The following THADA variants were observed in gnomAD, a reference collection of about 807,000 sequenced individuals.
THADA encodes the protein tRNA (32-2'-O)-methyltransferase regulator THADA.
THADA carries 213 observed loss-of-function variants against 219.8 expected under a neutral mutation model. That is an observed-to-expected ratio of 0.97 (90% CI 0.87 to 1.09). THADA has a LOEUF of 1.09. Among genes scored for constraint, THADA ranks in the 50% least tolerant of loss-of-function variants. THADA has a pLI of 0.00. For missense variants in THADA, 2,956 were observed against 2,311.3 expected (o/e 1.28, Z -5.72); for synonymous variants, 1,018 against 828.9 (o/e 1.23, Z -3.92).
chr2:43,517,848 G>A (rs910651881), intron 22 of THADA, among the ~76,000 whole-genome samples: 1 of 152,008 alleles, frequency 6.6e-6, no homozygotes, highest in Non-Finnish European at 1.5e-5. Context: ...ACTCATCCTG[G>A]CTCACAAAGC....
At chr2:43,555,004 G>A (rs971919241) in intron 17 of THADA, among the ~76,000 whole-genome samples, 5 of 151,994 alleles carry the variant, frequency 3.3e-5, no homozygotes, top group African/African-American at 1.2e-4. Context: ...AAAAAGCTTT[G>A]GATTTTGGAC....
chr2:43,271,239 G>T (rs1271486998), intron 36 of THADA, among the ~76,000 whole-genome samples: 1 of 152,170 alleles, frequency 6.6e-6, no homozygotes, highest in African/African-American at 2.4e-5. Flanking sequence ...GAGTGACAAG[G>T]GAGACACAGA....
intron 22 of THADA, among the ~76,000 whole-genome samples, chr2:43,521,265 G>A (rs1250089926): frequency 2.0e-5 from 3 of 151,964 alleles, no homozygotes; most frequent in African/African-American, 7.2e-5. Flanking sequence ...CACAAAAAGA[G>A]GTAGGGAGGG....
chr2:43,297,042 C>T, intron 31 of THADA, among the ~76,000 whole-genome samples: 1 of 110,118 alleles, frequency 9.1e-6, no homozygotes, highest in Non-Finnish European at 1.8e-5. Flanking sequence ...GCTGCCCAGT[C>T]TGGAAAGTGA....
chr2:43,572,749 A>G (rs1699433634), intron 12 of THADA, 65 bp downstream of exon 12: 5 of 1,465,808 alleles, frequency 3.4e-6, no homozygotes, highest in African/African-American at 1.4e-5. Flanking sequence ...AGGGGCCTCT[A>G]TATTGAACTG....
intron 29 of THADA, among the ~76,000 whole-genome samples, chr2:43,347,195 C>T (rs544987041): frequency 2.5e-4 from 38 of 152,160 alleles, no homozygotes; most frequent in African/African-American, 4.1e-4. Context: ...ATCAGTTTTG[C>T]GGCTTTGGGC....
At chr2:43,535,576 G>C (rs566485460) in intron 21 of THADA, among the ~76,000 whole-genome samples, 1 of 148,494 alleles carries the variant, frequency 6.7e-6, no homozygotes, top group Admixed American at 6.7e-5. Flanking sequence ...AGCTACTTGG[G>C]AGGCTGAGGC....
intron 31 of THADA, among the ~76,000 whole-genome samples, chr2:43,301,863 T>C (rs1054331528): frequency 6.6e-6 from 1 of 152,170 alleles, no homozygotes; most frequent in African/African-American, 2.4e-5. Context: ...ATCGGGATTT[T>C]TCCCTGGTGC....
chr2:43,502,482 G>A (rs1689117857), intron 24 of THADA, among the ~76,000 whole-genome samples: 1 of 151,704 alleles, frequency 6.6e-6, no homozygotes, highest in African/African-American at 2.4e-5. Context: ...TTACTCAGGA[G>A]GCTGAGGCAG....
chr2:43,426,558 C>T (rs1678453656), intron 28 of THADA, among the ~76,000 whole-genome samples: 1 of 152,170 alleles, frequency 6.6e-6, no homozygotes, highest in Non-Finnish European at 1.5e-5. Context: ...ATGAAGGAGA[C>T]TGGTAACTTT....
chr2:43,576,234 A>T (rs1332541335), intron 10 of THADA, among the ~76,000 whole-genome samples: 2 of 152,242 alleles, frequency 1.3e-5, no homozygotes, highest in Admixed American at 6.5e-5. Context: ...TATGTAAAAA[A>T]TTATTTTAGT....
chr2:43,500,941 T>C (rs144481031), intron 24 of THADA, among the ~76,000 whole-genome samples: 1,622 of 152,064 alleles, frequency 0.011, 17 homozygotes, highest in Middle Eastern at 0.037. Flanking sequence ...ACAGATAATA[T>C]AATCTTTTAA....
chr2:43,236,678 G>A (rs1014437681), intron 36 of THADA, among the ~76,000 whole-genome samples: 1 of 152,084 alleles, frequency 6.6e-6, no homozygotes, highest in Non-Finnish European at 1.5e-5. Context: ...TAAAGAATCT[G>A]CTGTGTATCC....
intron 26 of THADA, among the ~76,000 whole-genome samples, chr2:43,460,830 T>A (rs74776989): frequency 6.6e-6 from 1 of 152,142 alleles, no homozygotes; most frequent in Non-Finnish European, 1.5e-5. Flanking sequence ...GGAAAGCCAG[T>A]TTCACAAGAG....
At chr2:43,491,035 G>A (rs756468557) in intron 25 of THADA, among the ~76,000 whole-genome samples, 2 of 152,162 alleles carry the variant, frequency 1.3e-5, no homozygotes, top group Non-Finnish European at 2.9e-5. Context: ...TAAGACAGAA[G>A]AGTGTCCCCT....
chr2:43,512,293 T>C (rs376551177), intron 22 of THADA, among the ~76,000 whole-genome samples: 2 of 152,168 alleles, frequency 1.3e-5, no homozygotes, highest in Non-Finnish European at 2.9e-5. Flanking sequence ...TCTTTACTTA[T>C]CTGGTTTCCA....
intron 30 of THADA, among the ~76,000 whole-genome samples, chr2:43,340,944 C>T (rs1295908915): frequency 2.0e-5 from 3 of 152,158 alleles, no homozygotes; most frequent in Non-Finnish European, 4.4e-5. Flanking sequence ...CATGTGACAC[C>T]GAGGCTTCAT....
intron 31 of THADA, among the ~76,000 whole-genome samples, chr2:43,297,450 G>T (rs1430964542): frequency 3.8e-5 from 4 of 105,562 alleles, no homozygotes; most frequent in South Asian, 3.4e-4. Flanking sequence ...AGGGAGGTGG[G>T]GGGGGGTCAG....
chr2:43,511,864 T>C (rs1690507513), intron 22 of THADA, among the ~76,000 whole-genome samples: 1 of 152,122 alleles, frequency 6.6e-6, no homozygotes, highest in Non-Finnish European at 1.5e-5. Context: ...GAACTAGACT[T>C]TGAAGGACAT....
Sources: gnomAD v4.1 joint callset for allele counts (sites outside exome capture counted in the v4.1 genomes callset) on GRCh38, gnomAD v4.1.1 for gene constraint, MANE v1.5 for transcripts, NCBI Gene and HGNC (gene_info 2026-07-23, HGNC 2026-07-21) for gene names.